The following ERC2 variants were observed in gnomAD, a reference collection of about 807,000 sequenced individuals.
ERC2 encodes the protein ERC protein 2.
Under a neutral mutation model 114.8 loss-of-function variants are expected in ERC2, and 42 were observed. The observed-to-expected ratio is 0.37, with a 90% confidence interval of 0.29 to 0.47. The LOEUF is 0.47. ERC2 is among the 20% of genes least tolerant of loss of function. ERC2 has a pLI of 0.99. For missense variants in ERC2, 939 were observed against 1,150.7 expected (o/e 0.82, Z 2.66); for synonymous variants, 454 against 425.5 (o/e 1.07, Z -0.82).
At chr3:55,909,618 C>A (rs928732769) in intron 13 of ERC2, among the ~76,000 whole-genome samples, 1 of 152,002 alleles carries the variant, frequency 6.6e-6, no homozygotes, top group African/African-American at 2.4e-5. Context: ...AAGGTTCAGG[C>A]AGCCATGGGA....
chr3:56,385,590 C>A (rs888931363), intron 2 of ERC2, among the ~76,000 whole-genome samples: 1 of 152,132 alleles, frequency 6.6e-6, no homozygotes, highest in Admixed American at 6.5e-5. Flanking sequence ...TCTAGTAGCA[C>A]AATCATTTAT....
chr3:56,002,305 A>T (rs1162567953), intron 10 of ERC2, among the ~76,000 whole-genome samples: 4 of 152,302 alleles, frequency 2.6e-5, no homozygotes, highest in Middle Eastern at 3.4e-3. Context: ...ATTAGAATGC[A>T]TGATAGCACA....
At chr3:55,938,942 AT>A (rs201923219) in intron 13 of ERC2, among the ~76,000 whole-genome samples, 2 of 152,168 alleles carry the variant, frequency 1.3e-5, no homozygotes, top group Non-Finnish European at 2.9e-5. Context: ...ACAGTCATCA[AT>A]TTTTTTAAAA....
rs150971138 is a variant in ERC2, at chr3:55,960,446, C to A, written c.2268-9886G>T. On this transcript the variant is annotated intron_variant, in intron 12 of 17. Coordinates refer to ENST00000288221, the MANE Select transcript of ERC2 (RefSeq NM_015576.3). ...CAGCTGACTTTTACCCTTTAAGTCTCAGTTGAAGTAATGCCTCCTCAGAAG... is the reference window on the plus strand; with the variant it reads ...CAGCTGACTTTTACCCTTTAAGTCTAAGTTGAAGTAATGCCTCCTCAGAAG... Among the ~76,000 whole-genome samples, 1,201 of 152,284 alleles carry A rather than the reference C, an allele frequency of 7.9e-3. 16 individuals are homozygous for A. The highest frequency in any genetic ancestry group is 0.027 in the African/African-American group (1,109 of 41,564).
chr3:55,932,122 T>C (rs896184701), intron 13 of ERC2, among the ~76,000 whole-genome samples: 3 of 152,184 alleles, frequency 2.0e-5, no homozygotes, highest in African/African-American at 7.2e-5. Context: ...TCTCTATTCA[T>C]GAATCAAAGC....
At chr3:56,384,739 G>A (rs1422810975) in intron 2 of ERC2, among the ~76,000 whole-genome samples, 2 of 152,034 alleles carry the variant, frequency 1.3e-5, no homozygotes, top group South Asian at 4.1e-4. Context: ...TTTGTCACCT[G>A]TGCTTTTGGT....
chr3:55,575,095 C>A (rs191375411), intron 17 of ERC2, among the ~76,000 whole-genome samples: 253 of 152,290 alleles, frequency 1.7e-3, no homozygotes, highest in African/African-American at 5.9e-3. Flanking sequence ...CTCACTGCAA[C>A]CTCCGCCCTC....
At chr3:56,082,538 A>G (rs2077292720) in intron 6 of ERC2, among the ~76,000 whole-genome samples, 2 of 152,040 alleles carry the variant, frequency 1.3e-5, no homozygotes, top group Admixed American at 6.6e-5. Flanking sequence ...CATTAAAGAC[A>G]CCTTAACACT....
chr3:55,736,849 G>A (rs2065666407), intron 14 of ERC2, among the ~76,000 whole-genome samples: 1 of 152,094 alleles, frequency 6.6e-6, no homozygotes. Flanking sequence ...GACCACATCT[G>A]TCACAAATTT....
chr3:56,204,453 T>C (rs1393266341), intron 3 of ERC2, among the ~76,000 whole-genome samples: 1 of 141,650 alleles, frequency 7.1e-6, no homozygotes, highest in East Asian at 2.1e-4. Context: ...GTTTTTAATG[T>C]GACACAAACA....
intron 14 of ERC2, among the ~76,000 whole-genome samples, chr3:55,808,624 A>C (rs1166188852): frequency 1.3e-5 from 2 of 150,202 alleles, no homozygotes; most frequent in Non-Finnish European, 3.0e-5. Context: ...CCCATTTCAC[A>C]GATGAAAAAA....
rs138766326 is a variant in ERC2, at chr3:56,144,068, G to A, written c.1306-4392C>T. 2.8e-4 allele frequency among the ~76,000 whole-genome samples: 42 copies of A among 152,304 alleles called. No homozygotes were observed. The East Asian group carries it at 7.0e-3, about 25-fold the overall frequency. The stretch of plus-strand genomic sequence containing the variant: ...GATTGGTAGTGGCTAAACAAAAAAC[G>A]GTCTTGAGAAGGATCCTAAGTATGT... On this transcript the variant is annotated intron_variant, in intron 5 of 17. Transcript: ENST00000288221.
Position 55,586,141 on chromosome 3 carries a change from G to C in ERC2, c.*40-74865C>G, listed in dbSNP as rs527451464. 2.2e-4 allele frequency among the ~76,000 whole-genome samples: 34 copies of C among 152,252 alleles called. 1 individual carries two copies. The South Asian group carries it at 6.4e-3, about 29-fold the overall frequency. ...CACTGGTGCACCTGAGGTGACTGGCGGGGTGGGGAGGGAGTGGGGACTGCA... is the reference window on the plus strand; with the variant it reads ...CACTGGTGCACCTGAGGTGACTGGCCGGGTGGGGAGGGAGTGGGGACTGCA... On this transcript the variant is annotated intron_variant, in intron 17 of 17. Transcript: ENST00000288221.
chr3:55,941,904 G>C (rs1487224676), intron 13 of ERC2, among the ~76,000 whole-genome samples: 1 of 152,114 alleles, frequency 6.6e-6, no homozygotes, highest in South Asian at 2.1e-4. Flanking sequence ...ACATAAGAGA[G>C]GCACAGGAAA....
At chr3:55,652,125 G>A (rs1287923590) in intron 17 of ERC2, among the ~76,000 whole-genome samples, 2 of 152,076 alleles carry the variant, frequency 1.3e-5, no homozygotes, top group Non-Finnish European at 2.9e-5. Flanking sequence ...GTGGGCCTTT[G>A]CTAATTTGTG....
intron 15 of ERC2, among the ~76,000 whole-genome samples, chr3:55,728,888 G>C (rs148380083): frequency 1.3e-5 from 2 of 152,172 alleles, no homozygotes; most frequent in Non-Finnish European, 2.9e-5. Context: ...TAAAAATCTC[G>C]TCAGGTGTGA....
At chr3:55,600,153 G>A (rs2058331883) in intron 17 of ERC2, among the ~76,000 whole-genome samples, 2 of 152,168 alleles carry the variant, frequency 1.3e-5, no homozygotes, top group Non-Finnish European at 2.9e-5. Flanking sequence ...TAATCTGTAA[G>A]GGACAACATG....
intron 4 of ERC2, among the ~76,000 whole-genome samples, chr3:56,167,026 C>T (rs760904844): frequency 2.6e-5 from 4 of 152,074 alleles, no homozygotes; most frequent in Non-Finnish European, 4.4e-5. Flanking sequence ...AAAGACACTC[C>T]TTATCCTTTC....
intron 16 of ERC2, among the ~76,000 whole-genome samples, chr3:55,689,760 T>A (rs984549496): frequency 9.0e-5 from 13 of 144,406 alleles, no homozygotes; most frequent in Non-Finnish European, 1.3e-4. Flanking sequence ...GCCATTGCAC[T>A]CACTCCAGCC....
Sources: allele counts gnomAD v4.1 joint callset (sites outside exome capture counted in the v4.1 genomes callset), GRCh38; gene constraint gnomAD v4.1.1; transcripts MANE v1.5; gene names NCBI Gene and HGNC (gene_info 2026-07-23, HGNC 2026-07-21).